The following DOCK8 variants were observed in gnomAD, a reference collection of about 807,000 sequenced individuals.
The protein encoded by DOCK8 is dedicator of cytokinesis protein 8.
A neutral mutation model predicts 245.6 loss-of-function variants in DOCK8; 141 were observed. The ratio of observed to expected loss-of-function variants is 0.57; its 90% CI spans 0.50 to 0.66. The LOEUF (loss-of-function observed/expected upper bound fraction) is 0.66. DOCK8 is among the 30% of genes least tolerant of loss of function. The probability of loss-of-function intolerance (pLI) is 0.00; values close to 1 mark genes in which losing one functional copy is unlikely to be tolerated. For synonymous variants in DOCK8, 1,168 were observed against 970.2 expected (o/e 1.20, Z -3.79); for missense variants, 2,965 against 2,603.4 (o/e 1.14, Z -3.02).
intron 16 of DOCK8, 38 bp from the exon 17 acceptor site, chr9:371,390 G>C: frequency 6.2e-7 from 1 of 1,613,560 alleles, no homozygotes; most frequent in Non-Finnish European, 8.5e-7. Flanking sequence ...CATCATTCTT[G>C]CTAAAAGTTA....
At chr9:240,733 A>C (rs919504666) in intron 1 of DOCK8, among the ~76,000 whole-genome samples, 6 of 152,144 alleles carry the variant, frequency 3.9e-5, no homozygotes, top group African/African-American at 1.4e-4. Context: ...GCACTGTGTT[A>C]GACTCTGGGG....
Position 439,404 on chromosome 9 carries a change from G to T in DOCK8, c.5223+16G>T, listed in dbSNP as rs1431764718. ...CTTCAGCACGGTCAGTGCCCAGAGG[G>T]CATCCCGGGGCCTGGCCTCCCATAC... On this transcript the variant is annotated intron_variant, in intron 40 of 47. Coordinates refer to ENST00000432829, the MANE Select transcript of DOCK8 (RefSeq NM_203447.4). The T allele has an allele frequency of 1.9e-6, 3 of 1,611,166 alleles. No homozygotes were observed. Among genetic ancestry groups the T allele is most frequent in the African/African-American group, 2.7e-5 (2 of 74,884 alleles).
chr9:316,501 C>G (rs1382412956), intron 6 of DOCK8, among the ~76,000 whole-genome samples: 2 of 152,284 alleles, frequency 1.3e-5, no homozygotes, highest in African/African-American at 4.8e-5. Flanking sequence ...ATAAGCCTGT[C>G]TAGAACTTGT....
chr9:287,194 A>C (rs949648292), intron 3 of DOCK8, among the ~76,000 whole-genome samples: 1 of 152,192 alleles, frequency 6.6e-6, no homozygotes, highest in African/African-American at 2.4e-5. Flanking sequence ...ATGCAGTGCT[A>C]AAACAGTGGG....
chr9:266,239 T>C (rs189671137), intron 1 of DOCK8, among the ~76,000 whole-genome samples: 1,564 of 152,286 alleles, frequency 0.01, 13 homozygotes, highest in Non-Finnish European at 0.017. Context: ...ATTCCTGTAA[T>C]AGAATACTTA....
rs140239966 is a variant in DOCK8, at chr9:309,337, T to C, written c.529-2617T>C. 1.2e-4 allele frequency among the ~76,000 whole-genome samples: 19 copies of C among 152,312 alleles called. No homozygotes were observed. The East Asian group carries it at 3.7e-3, about 29-fold the overall frequency. ...TAGCACATTCAGTTTGGGGAAAATT[T>C]ATGATCTAGTAGAGTAGTACTTTTG... On this transcript the variant is annotated intron_variant, in intron 5 of 47. Coordinates refer to ENST00000432829, the MANE Select transcript of DOCK8 (RefSeq NM_203447.4).
At chr9:303,845 A>G (rs1465660346) in intron 4 of DOCK8, among the ~76,000 whole-genome samples, 1 of 152,258 alleles carries the variant, frequency 6.6e-6, no homozygotes, top group Middle Eastern at 3.2e-3. Flanking sequence ...CTCAATAAAA[A>G]TAAAAGTGGC....
rs2053672319 is a variant in DOCK8 at position 379,916 on chromosome 9, A to G, written c.2586A>G (p.Gln862=). Residue 862 remains glutamine (Q), a synonymous_variant, in exon 21 of 48, where the codon CAA becomes CAG. Transcript: ENST00000432829. ...VHYVFRLPEV[Q]RDVPKSGAPT... is the part of the protein sequence containing the mutation. ...ACGTCTTCCGCCTGCCAGAGGTGCAAAGGGATGTGCCCAAGTCAGGTAGAG... is the reference window on the plus strand; with the variant it reads ...ACGTCTTCCGCCTGCCAGAGGTGCAGAGGGATGTGCCCAAGTCAGGTAGAG... The G allele has an allele frequency of 5.0e-6, 8 of 1,613,906 alleles. No homozygotes were observed. Among genetic ancestry groups the G allele is most frequent in the Non-Finnish European group, 2.5e-6 (3 of 1,180,022 alleles).
At chr9:292,338 G>C (rs951215963) in intron 4 of DOCK8, among the ~76,000 whole-genome samples, 1 of 126,542 alleles carries the variant, frequency 7.9e-6, no homozygotes, top group African/African-American at 3.0e-5. Context: ...GGTGAGCCAA[G>C]ATCGCGCCAT....
chr9:369,805 CT>C (rs1465703182), intron 15 of DOCK8: 262 of 231,782 alleles, frequency 1.1e-3, no homozygotes, highest in Middle Eastern at 3.3e-3. Flanking sequence ...AGTCCCAGCA[CT>C]TTTTTTTTTC....
In DOCK8 at chr9:317,091, C is replaced by T. The variant is rs1284581979; in HGVS notation, c.790C>T (p.Leu264=). The T allele has an allele frequency of 6.2e-7, 1 of 1,613,972 alleles. No individual in the cohort carries two copies. The highest frequency in any genetic ancestry group is 8.5e-7 in the Non-Finnish European group (1 of 1,179,866). Residue 264 remains leucine (L), a synonymous_variant, in exon 7 of 48, where the codon CTG becomes TTG. Transcript: ENST00000432829. ...AGTACCAGAATGTCCCAAGGAACACCTGGGCAACAGAATATTGGTCAAGTT... is the reference window on the plus strand; with the variant it reads ...AGTACCAGAATGTCCCAAGGAACACTTGGGCAACAGAATATTGGTCAAGTT... The part of the protein sequence containing the change: ...RPVPECPKEH[L]GNRILVKLLT...
intron 36 of DOCK8, among the ~76,000 whole-genome samples, chr9:430,992 C>T (rs1289255947): frequency 1.3e-5 from 2 of 152,104 alleles, no homozygotes; most frequent in African/African-American, 2.4e-5. Flanking sequence ...ACTTCAGCCT[C>T]CCATGTAGTA....
At chr9:247,455 C>G (rs2047530612) in intron 1 of DOCK8, among the ~76,000 whole-genome samples, 1 of 152,122 alleles carries the variant, frequency 6.6e-6, no homozygotes, top group Non-Finnish European at 1.5e-5. Context: ...AATATTCAAA[C>G]TAGTTTTTTT....
At chr9:342,064 T>G (rs919305169) in intron 14 of DOCK8, among the ~76,000 whole-genome samples, 1 of 152,162 alleles carries the variant, frequency 6.6e-6, no homozygotes, top group African/African-American at 2.4e-5. Flanking sequence ...AGTTATATAA[T>G]TATTTCATTA....
chr9:391,292 C>G (rs1485498887), intron 24 of DOCK8, among the ~76,000 whole-genome samples: 4 of 152,286 alleles, frequency 2.6e-5, no homozygotes, highest in Admixed American at 2.0e-4. Context: ...TCTGAGCACC[C>G]TATTTATTTC....
intron 6 of DOCK8, 90 bp downstream of exon 6, chr9:312,256 A>G (rs1224374376): frequency 6.9e-7 from 1 of 1,457,208 alleles, no homozygotes; most frequent in Admixed American, 1.9e-5. Context: ...ACTATATAGC[A>G]GCCCATGGTG....
chr9:415,382 T>C (rs1162958432), intron 29 of DOCK8, among the ~76,000 whole-genome samples: 1 of 151,296 alleles, frequency 6.6e-6, no homozygotes, highest in East Asian at 1.9e-4. Flanking sequence ...AATTGCTCCA[T>C]GCAAAAAAAA....
intron 1 of DOCK8, among the ~76,000 whole-genome samples, chr9:255,640 C>T (rs1179294119): frequency 4.2e-5 from 6 of 141,704 alleles, no homozygotes; most frequent in Non-Finnish European, 9.0e-5. Context: ...TGCACTCCAG[C>T]CTGGGGGATA....
intron 46 of DOCK8, 49 bp from the exon 47 acceptor site, chr9:463,468 A>C: frequency 6.2e-7 from 1 of 1,602,018 alleles, no homozygotes; most frequent in Admixed American, 1.7e-5. Flanking sequence ...TCAGATTTCT[A>C]AGCACTTCAA....
Sources: allele counts gnomAD v4.1 joint callset (sites outside exome capture counted in the v4.1 genomes callset), GRCh38; gene constraint gnomAD v4.1.1; transcripts MANE v1.5; gene names NCBI Gene and HGNC (gene_info 2026-07-23, HGNC 2026-07-21).